The following CREB5 variants were observed in gnomAD, a reference collection of about 807,000 sequenced individuals.
CREB5 encodes the protein cyclic AMP-responsive element-binding protein 5.
In CREB5, 19 loss-of-function variants were observed where a neutral mutation model predicts 57.1. The observed-to-expected ratio is 0.33, with a 90% CI of 0.23 to 0.49. The LOEUF (loss-of-function observed/expected upper bound fraction) is 0.49. CREB5 is among the 20% of genes least tolerant of loss of function. The pLI, the probability that CREB5 is intolerant of heterozygous loss-of-function variation, is 0.99. For synonymous variants in CREB5, 238 were observed against 238.3 expected (o/e 1.00, Z 0.01); for missense variants, 579 against 671.6 (o/e 0.86, Z 1.52).
At chr7:28,378,950 C>T (rs1207580909) in intron 1 of CREB5, among the ~76,000 whole-genome samples, 1 of 152,184 alleles carries the variant, frequency 6.6e-6, no homozygotes, top group African/African-American at 2.4e-5. Context: ...ATGTGACTGG[C>T]TTGGTGAAAG....
intron 1 of CREB5, among the ~76,000 whole-genome samples, chr7:28,326,259 A>C (rs754281102): frequency 5.9e-5 from 9 of 152,270 alleles, no homozygotes; most frequent in Non-Finnish European, 1.3e-4. Context: ...CCACAGTTCC[A>C]GCCTAATACT....
At chr7:28,727,130 T>C (rs76568593) in intron 7 of CREB5, among the ~76,000 whole-genome samples, 5,330 of 151,964 alleles carry the variant, frequency 0.035, 120 homozygotes, top group South Asian at 0.059. Context: ...TGATTTAATG[T>C]ACATTAGTAT....
upstream of CREB5, among the ~76,000 whole-genome samples, chr7:28,411,513 T>G (rs1787800318): frequency 1.6e-5 from 2 of 127,122 alleles, no homozygotes; most frequent in Admixed American, 2.1e-4. Flanking sequence ...ACCCTGTGTA[T>G]GACTTGTTGC....
At chr7:28,736,719 G>A (rs577391505) in intron 7 of CREB5, among the ~76,000 whole-genome samples, 2 of 152,118 alleles carry the variant, frequency 1.3e-5, no homozygotes, top group South Asian at 2.1e-4. Context: ...TTAAAGCAAC[G>A]TGGTGACTGG....
chr7:28,421,105 T>C (rs1788229288), intron 1 of CREB5, among the ~76,000 whole-genome samples: 1 of 152,146 alleles, frequency 6.6e-6, no homozygotes, highest in African/African-American at 2.4e-5. Context: ...TACTGTACAT[T>C]GCACCCACTA....
intron 5 of CREB5, among the ~76,000 whole-genome samples, chr7:28,597,957 C>T (rs1235358508): frequency 2.0e-5 from 3 of 152,012 alleles, no homozygotes; most frequent in African/African-American, 7.2e-5. Flanking sequence ...ATTTGGCAAG[C>T]TAATGTTGAT....
rs1375240061 is a variant in CREB5 at position 28,561,005 on chromosome 7, CGTGTGTGT to C, written c.292-9356_292-9349del. ...GCGTGCGTGTGTGTGCCTGCGTGTG[CGTGTGTGT>C]GTGCGTGTGTGCGTGTGTGTGTGTG... On this transcript the variant is annotated intron_variant, in intron 4 of 10. Transcript: ENST00000357727. Among the ~76,000 whole-genome samples the C allele has an allele frequency of 6.7e-4, 18 of 26,934 alleles. 1 individual carries two copies. The East Asian group carries it at 0.014, about 21-fold the overall frequency. The allele number at this position is 26,934 out of a possible 152,430, so 17.7% of individuals were successfully genotyped here. A position where few individuals can be genotyped will look rare whatever the true frequency, so the allele number is the denominator to read the frequency against.
At chr7:28,790,458 GAGATAGAGAGAGAGAGAA>G (rs1465090375) in intron 7 of CREB5, among the ~76,000 whole-genome samples, 17 of 35,150 alleles carry the variant, frequency 4.8e-4, no homozygotes, top group African/African-American at 1.1e-3. Context: ...GAGAGAGAGA[GAGATAGAGAGAGAGAGAA>G]AGAAAGAAAG....
At chr7:28,306,540 AGTTTTGTTTTTTTT>A (rs1562649416) in intron 1 of CREB5, among the ~76,000 whole-genome samples, 3 of 76,134 alleles carry the variant, frequency 3.9e-5, no homozygotes, top group Non-Finnish European at 5.1e-5. Context: ...ATACAGATAC[AGTTTTGTTTTTTTT>A]GTTTTTTTTT....
chr7:28,674,040 C>G (rs543801445), intron 5 of CREB5, among the ~76,000 whole-genome samples: 64 of 152,182 alleles, frequency 4.2e-4, no homozygotes, highest in Non-Finnish European at 8.2e-4. Flanking sequence ...TTAACTCCCC[C>G]AAGAGCATCC....
chr7:28,311,917 C>T (rs891475539), intron 1 of CREB5, among the ~76,000 whole-genome samples: 3 of 152,196 alleles, frequency 2.0e-5, no homozygotes, highest in East Asian at 1.9e-4. Flanking sequence ...TGTGGCTCCT[C>T]CCATAGGCCC....
intron 7 of CREB5, among the ~76,000 whole-genome samples, chr7:28,740,291 G>A (rs976592925): frequency 1.3e-5 from 2 of 152,136 alleles, no homozygotes; most frequent in African/African-American, 4.8e-5. Flanking sequence ...CAGGTCTTAT[G>A]AAACTCATCC....
chr7:28,668,721 T>C (rs1799922306), intron 5 of CREB5, among the ~76,000 whole-genome samples: 1 of 152,228 alleles, frequency 6.6e-6, no homozygotes, highest in African/African-American at 2.4e-5. Context: ...AGGAACTATC[T>C]GGTTCTTTGA....
At chr7:28,511,956 AGATGGAGGCAGTG>A (rs1257242947) in intron 4 of CREB5, among the ~76,000 whole-genome samples, 1 of 152,226 alleles carries the variant, frequency 6.6e-6, no homozygotes, top group Non-Finnish European at 1.5e-5. Flanking sequence ...CTCAAGGTGG[AGATGGAGGCAGTG>A]GATAGATTCT....
chr7:28,790,428 A>AAGAG (rs370615013), intron 7 of CREB5, among the ~76,000 whole-genome samples: 4,476 of 115,424 alleles, frequency 0.039, 156 homozygotes, highest in Admixed American at 0.13. Flanking sequence ...GAAAGAAAGA[A>AAGAG]AGAGAGAGAG....
chr7:28,300,654 C>T (rs537344070), intron 1 of CREB5, among the ~76,000 whole-genome samples: 6 of 152,218 alleles, frequency 3.9e-5, no homozygotes, highest in South Asian at 2.1e-4. Context: ...TAGTCTGTGC[C>T]GAAACTGGTT....
intron 1 of CREB5, among the ~76,000 whole-genome samples, chr7:28,308,449 A>C (rs989139749): frequency 6.6e-6 from 1 of 152,160 alleles, no homozygotes; most frequent in African/African-American, 2.4e-5. Context: ...TTGAATTTAG[A>C]TATATTTGAT....
intron 1 of CREB5, among the ~76,000 whole-genome samples, chr7:28,404,377 T>C (rs1338850877): frequency 1.3e-5 from 2 of 152,298 alleles, no homozygotes; most frequent in East Asian, 1.9e-4. Context: ...CTCTCAGGGC[T>C]GTCAGCCTCA....
chr7:28,761,579 C>T (rs939705562), intron 7 of CREB5, among the ~76,000 whole-genome samples: 1 of 152,194 alleles, frequency 6.6e-6, no homozygotes. Flanking sequence ...TTAAAGATTT[C>T]TCTTTCACGG....
Sources: allele counts gnomAD v4.1 joint callset (sites outside exome capture counted in the v4.1 genomes callset), GRCh38; gene constraint gnomAD v4.1.1; transcripts MANE v1.5; gene names NCBI Gene and HGNC (gene_info 2026-07-23, HGNC 2026-07-21).